Variants in CCAR1 observed in about 807,000 individuals in gnomAD.
CCAR1 encodes cell division cycle and apoptosis regulator 1, also known as cell division cycle and apoptosis regulator protein 1.
A neutral mutation model predicts 163.8 loss-of-function variants in CCAR1; 78 were observed. The observed-to-expected ratio is 0.48, with a 90% CI of 0.40 to 0.57. The LOEUF (loss-of-function observed/expected upper bound fraction) is 0.57. Ranked by LOEUF, CCAR1 falls within the 20% of genes least tolerant of loss-of-function variation. The pLI is 0.00. For missense variants in CCAR1, 1,019 were observed against 1,365.2 expected (o/e 0.75, Z 4.00); for synonymous variants, 443 against 460.7 (o/e 0.96, Z 0.49).
intron 15 of CCAR1, among the ~76,000 whole-genome samples, chr10:68,760,235 A>G (rs540142530): frequency 1.3e-5 from 2 of 151,882 alleles, no homozygotes; most frequent in African/African-American, 2.4e-5. Context: ...GGAACCTTAA[A>G]CTCCTGGGCT....
chr10:68,766,142 T>A (rs2056532325), intron 17 of CCAR1, 63 bp downstream of exon 17: 1 of 936,916 alleles, frequency 1.1e-6, no homozygotes, highest in South Asian at 1.6e-5. Context: ...AGTTAATATA[T>A]CTCTATCTCT....
At chr10:68,775,413 A>G (rs1327315989) in intron 19 of CCAR1, among the ~76,000 whole-genome samples, 9 of 151,636 alleles carry the variant, frequency 5.9e-5, no homozygotes, top group Non-Finnish European at 1.3e-4. Flanking sequence ...CTGTACGCCC[A>G]GTATTATTTT....
At chr10:68,728,400 AG>A (rs1263275238) in intron 2 of CCAR1, among the ~76,000 whole-genome samples, 1 of 151,482 alleles carries the variant, frequency 6.6e-6, no homozygotes, top group African/African-American at 2.4e-5. Context: ...TTTTTGAGAC[AG>A]GGTCTCACTT....
chr10:68,748,379 G>T (rs981613297), intron 8 of CCAR1, among the ~76,000 whole-genome samples: 1 of 151,396 alleles, frequency 6.6e-6, no homozygotes, highest in Non-Finnish European at 1.5e-5. Flanking sequence ...CAGTCTGGGC[G>T]ATAAGAGCAA....
At chr10:68,732,798 C>T (rs933378352) in intron 2 of CCAR1, among the ~76,000 whole-genome samples, 5 of 152,070 alleles carry the variant, frequency 3.3e-5, no homozygotes, top group African/African-American at 1.2e-4. Context: ...TGGTGGCATG[C>T]GACTGTAGTC....
intron 2 of CCAR1, among the ~76,000 whole-genome samples, chr10:68,727,632 C>T (rs1029406575): frequency 5.9e-5 from 9 of 151,782 alleles, no homozygotes; most frequent in East Asian, 3.9e-4. Flanking sequence ...TAATATTTAC[C>T]GTATTTTTCC....
chr10:68,747,980 A>C (rs894438419), intron 8 of CCAR1, among the ~76,000 whole-genome samples: 1 of 152,098 alleles, frequency 6.6e-6, no homozygotes, highest in African/African-American at 2.4e-5. Flanking sequence ...CAGCCTCCCA[A>C]GTAGCTGGGA....
intron 9 of CCAR1, 105 bp from the exon 10 acceptor site, chr10:68,749,419 A>G (rs2133351315): frequency 1.6e-6 from 2 of 1,263,804 alleles, no homozygotes; most frequent in Admixed American, 2.8e-5. Context: ...AAGTTAAACA[A>G]ATATACTGTG....
intron 2 of CCAR1, among the ~76,000 whole-genome samples, chr10:68,733,492 TTTCACTGTAGA>T (rs1442816060): frequency 1.2e-5 from 1 of 85,692 alleles, no homozygotes; most frequent in Admixed American, 1.4e-4. Flanking sequence ...AAAGTTTTCT[TTTCACTGTAGA>T]TTCTTCTCTT....
intron 4 of CCAR1, among the ~76,000 whole-genome samples, chr10:68,740,399 A>G (rs2056167533): frequency 6.6e-6 from 1 of 152,180 alleles, no homozygotes; most frequent in Admixed American, 6.6e-5. Flanking sequence ...GGCTGGGTGC[A>G]GTGGCTCATG....
At chr10:68,740,546 A>G in intron 4 of CCAR1, 83 bp from the exon 5 acceptor site, 1 of 1,072,940 alleles carries the variant, frequency 9.3e-7, no homozygotes, top group Non-Finnish European at 1.4e-6. Flanking sequence ...TAACTTTTAT[A>G]GGATTATTTC....
rs1589165472 is a variant in CCAR1, at chr10:68,749,591, A to G, written c.1024A>G (p.Arg342Gly). 1 of 1,614,034 alleles carries G rather than the reference A, an allele frequency of 6.2e-7. No homozygotes were observed. The highest frequency in any genetic ancestry group is 2.2e-5 in the East Asian group (1 of 44,878). The change falls in exon 10 of 25, where the codon AGA (arginine) becomes GGA (glycine). Residue 342 changes from arginine to glycine, a missense_variant. Physicochemically the swap from Arg to Gly is moderately radical, Grantham distance 125. Coordinates refer to ENST00000265872, the MANE Select transcript of CCAR1 (RefSeq NM_018237.4). Reference sequence around the variant, plus strand: ...ACCTCAGAGGAAACGTTCCCGGGAAAGATCTCCACGAAGAGAGCGAGAGCG... The same window carrying G: ...ACCTCAGAGGAAACGTTCCCGGGAAGGATCTCCACGAAGAGAGCGAGAGCG... Reference protein sequence around the residue: ...RSPQRKRSRERSPRRERERSP... With the variant: ...RSPQRKRSREGSPRRERERSP...
intron 16 of CCAR1, among the ~76,000 whole-genome samples, chr10:68,761,557 A>ACCTTG (rs1332515148): frequency 2.6e-5 from 4 of 151,820 alleles, no homozygotes; most frequent in Non-Finnish European, 5.9e-5. Flanking sequence ...CGCCTGCCTC[A>ACCTTG]GCCTCCCAAA....
chr10:68,743,858 C>CT (rs1375133278), intron 6 of CCAR1, among the ~76,000 whole-genome samples: 1 of 152,120 alleles, frequency 6.6e-6, no homozygotes, highest in Non-Finnish European at 1.5e-5. Context: ...TCAAGTAGTT[C>CT]CCTGCCTCAG....
At position 68,753,981 on chromosome 10, in the gene CCAR1, C is replaced by T; in HGVS notation, c.1248C>T (p.Tyr416=). The change falls in exon 11 of 25, where the codon TAC becomes TAT. Residue 416 remains tyrosine (Y), a synonymous_variant. Coordinates refer to ENST00000265872, the MANE Select transcript of CCAR1 (RefSeq NM_018237.4). ...PLSRPFQLGN[Y]CNFYVMHREV... is the part of the protein sequence containing the mutation. ...CAAGACCATTTCAGCTGGGAAATTA[C>T]TGCAATTTTTATGTAATGCACAGAG... 1 of 1,613,922 alleles carries T rather than the reference C, an allele frequency of 6.2e-7. No homozygotes were observed. Among genetic ancestry groups the T allele is most frequent in the Non-Finnish European group, 8.5e-7 (1 of 1,179,878 alleles).
chr10:68,723,903 A>G (rs1048923399), intron 2 of CCAR1, among the ~76,000 whole-genome samples: 2 of 152,022 alleles, frequency 1.3e-5, no homozygotes, highest in African/African-American at 4.8e-5. Flanking sequence ...TTGTGCCTGT[A>G]ATCCCAGCAC....
intron 2 of CCAR1, among the ~76,000 whole-genome samples, chr10:68,730,936 G>A (rs916517432): frequency 1.3e-5 from 2 of 152,074 alleles, no homozygotes; most frequent in African/African-American, 4.8e-5. Flanking sequence ...CAAGCAGTCA[G>A]CTCACCGTGG....
chr10:68,779,319 G>A (rs548840934), intron 19 of CCAR1, among the ~76,000 whole-genome samples: 9 of 151,178 alleles, frequency 6.0e-5, no homozygotes, highest in Admixed American at 3.3e-4. Flanking sequence ...GTGTCGTCGC[G>A]TGATCTCGGC....
intron 17 of CCAR1, among the ~76,000 whole-genome samples, chr10:68,769,453 T>C (rs1009416227): frequency 5.9e-5 from 9 of 152,104 alleles, no homozygotes; most frequent in Non-Finnish European, 1.2e-4. Flanking sequence ...AAACCCCATC[T>C]CTACTAAAAA....
Sources: gnomAD v4.1 joint callset for allele counts (sites outside exome capture counted in the v4.1 genomes callset) on GRCh38, gnomAD v4.1.1 for gene constraint, MANE v1.5 for transcripts, NCBI Gene and HGNC (gene_info 2026-07-23, HGNC 2026-07-21) for gene names.